Variants in MAGT1 observed in about 807,000 individuals in gnomAD.
MAGT1 encodes dolichyl-diphosphooligosaccharide--protein glycosyltransferase subunit MAGT1.
MAGT1 carries 4 observed loss-of-function variants against 28.4 expected under a neutral mutation model. The ratio of observed to expected loss-of-function variants is 0.14; its 90% CI spans 0.07 to 0.32. MAGT1 has a LOEUF of 0.32. MAGT1 is among the 10% of genes least tolerant of loss of function. The probability of loss-of-function intolerance (pLI) is 1.00; values close to 1 mark genes in which losing one functional copy is unlikely to be tolerated. For missense variants in MAGT1, 193 were observed against 264.5 expected (o/e 0.73, Z 1.88); for synonymous variants, 89 against 89.7 (o/e 0.99, Z 0.04).
chrX:77,871,860 C>T (rs782671622), intron 2 of MAGT1, among the ~76,000 whole-genome samples: 35 of 110,221 alleles, frequency 3.2e-4, no homozygotes, highest in Non-Finnish European at 6.1e-4. Flanking sequence ...ATTATTGAAA[C>T]CTCAAGTCAT....
At chrX:77,852,150 G>A (rs782312249) in intron 7 of MAGT1, among the ~76,000 whole-genome samples, 8 of 111,360 alleles carry the variant, frequency 7.2e-5, no homozygotes, top group South Asian at 7.5e-4. Context: ...TGATCTACCC[G>A]CCTTGGCCTC....
At chrX:77,881,488 C>A (rs1056706306) in intron 1 of MAGT1, among the ~76,000 whole-genome samples, 31 of 101,394 alleles carry the variant, frequency 3.1e-4, no homozygotes, top group Admixed American at 5.7e-4. Flanking sequence ...CTGTTCAATT[C>A]CCACCTATGA....
In MAGT1 at chrX:77,870,875, C is replaced by A; in HGVS notation, c.323G>T (p.Ser108Ile). The change falls in exon 3 of 10, where the codon AGT (serine) becomes ATT (isoleucine). Residue 108 changes from serine to isoleucine, a missense_variant. Coordinates refer to ENST00000618282, the MANE Select transcript of MAGT1 (RefSeq NM_001367916.1). ...AAAAAATATCCTGTTGGTGAATGCA[C>A]TGGAGTATCGCCAGGAGTTTGCCAG... The part of the protein sequence containing the change: ...QILANSWRYS[S>I]AFTNRIFFAM... 8.3e-7 allele frequency: 1 copy of A among 1,211,049 alleles called. No homozygotes were observed. Among genetic ancestry groups the A allele is most frequent in the Non-Finnish European group, 1.1e-6 (1 of 894,754 alleles).
chrX:77,875,283 A>G, intron 2 of MAGT1, 145 bp downstream of exon 2: 1 of 534,643 alleles, frequency 1.9e-6, no homozygotes, highest in Non-Finnish European at 3.3e-6. Flanking sequence ...ACTATAAAAG[A>G]GCAGTAGTAT....
rs201564456 is a variant in MAGT1 at position 77,830,970 on chromosome X, TTTTTA to T, written c.902-80_902-76del. ...TAACCATGGCAGTCTATACTTTCTT[TTTTTA>T]TTTTATTTTATTTTATTTTATTTTA... On this transcript the variant is annotated intron_variant, in intron 8 of 9. Coordinates refer to ENST00000618282, the MANE Select transcript of MAGT1 (RefSeq NM_001367916.1). 24,475 of 181,983 alleles carry T rather than the reference TTTTTA, an allele frequency of 0.13. 2,576 individuals carry two copies. The highest frequency in any genetic ancestry group is 0.29 in the African/African-American group (7,434 of 25,212). The allele number at this position is 181,983 out of a possible 1,213,427, so 15.0% of individuals were successfully genotyped here.
At chrX:77,876,160 A>AT (rs1373548796) in intron 1 of MAGT1, among the ~76,000 whole-genome samples, 141 of 32,146 alleles carry the variant, frequency 4.4e-3, no homozygotes, top group Non-Finnish European at 7.1e-3. Context: ...ATATATATAT[A>AT]TATATTTTTT....
rs202229488 is a variant in MAGT1, at chrX:77,870,673, T to C, written c.390+135A>G. On this transcript the variant is annotated intron_variant, in intron 3 of 9. Transcript: ENST00000618282. ...CTACATTTTATGGTTAGCTCAAGTT[T>C]AACTTTTAGTTTGCTACTCTAGATC... 2.3e-5 allele frequency: 11 copies of C among 477,846 alleles called. No homozygotes were observed. The East Asian group carries it at 3.3e-4, about 14-fold the overall frequency. The allele number at this position is 477,846 out of a possible 1,213,427, so 39.4% of individuals were successfully genotyped here.
At chrX:77,833,437 A>G (rs1400281209) in intron 8 of MAGT1, among the ~76,000 whole-genome samples, 1 of 112,199 alleles carries the variant, frequency 8.9e-6, no homozygotes, top group African/African-American at 3.2e-5. Flanking sequence ...TTTTGTTTCC[A>G]AAGTTGATAT....
At chrX:77,854,446 G>A (rs2076976457) in intron 6 of MAGT1, among the ~76,000 whole-genome samples, 1 of 111,526 alleles carries the variant, frequency 9.0e-6, no homozygotes, top group African/African-American at 3.3e-5. Context: ...CCAAATGCTT[G>A]AATACTGTAC....
At chrX:77,836,847 G>C (rs1827971318) in intron 8 of MAGT1, among the ~76,000 whole-genome samples, 1 of 111,094 alleles carries the variant, frequency 9.0e-6, no homozygotes, top group African/African-American at 3.3e-5. Context: ...AGTGAGTTAT[G>C]ATCTCTCCAC....
chrX:77,851,167 C>T (rs2076966877), intron 7 of MAGT1, among the ~76,000 whole-genome samples: 1 of 108,932 alleles, frequency 9.2e-6, no homozygotes, highest in Admixed American at 9.9e-5. Flanking sequence ...GATGAGGTTT[C>T]GCTATGTTGG....
intron 1 of MAGT1, among the ~76,000 whole-genome samples, chrX:77,894,521 T>G (rs2077093137): frequency 8.9e-6 from 1 of 112,257 alleles, no homozygotes; most frequent in African/African-American, 3.2e-5. Context: ...CTCGTTCATT[T>G]TCTAAATTTA....
intron 3 of MAGT1, among the ~76,000 whole-genome samples, chrX:77,870,519 T>C (rs2077018124): frequency 9.0e-6 from 1 of 111,612 alleles, no homozygotes; most frequent in African/African-American, 3.3e-5. Flanking sequence ...ATTTAAAAAA[T>C]TCCTTAATAA....
In MAGT1 at chrX:77,835,428, T is replaced by C. The variant is rs138113355; in HGVS notation, c.902-4533A>G. ...CTTATATCCAAAAGACAAGCAATAA[T>C]AAATGCTGGCGAGGATGTGGAAAAA... On this transcript the variant is annotated intron_variant, in intron 8 of 9. Transcript: ENST00000618282. Among the ~76,000 whole-genome samples the C allele has an allele frequency of 9.0e-5, 10 of 111,421 alleles. No homozygotes were observed. In the East Asian group the frequency reaches 2.8e-3, roughly 31 times the overall value.
chrX:77,877,885 T>C (rs1307207942), intron 1 of MAGT1, among the ~76,000 whole-genome samples: 1 of 108,198 alleles, frequency 9.2e-6, no homozygotes, highest in Non-Finnish European at 1.9e-5. Context: ...ACTGACAATA[T>C]CAAATGCTGG....
At chrX:77,865,271 T>C (rs1050503416) in intron 3 of MAGT1, among the ~76,000 whole-genome samples, 2 of 111,417 alleles carry the variant, frequency 1.8e-5, no homozygotes, top group African/African-American at 3.3e-5. Context: ...AACTAAGTAG[T>C]AACTATATTC....
intron 9 of MAGT1, 77 bp from the exon 10 acceptor site, chrX:77,829,312 T>A: frequency 1.1e-6 from 1 of 916,582 alleles, no homozygotes; most frequent in Non-Finnish European, 1.6e-6. Flanking sequence ...AAGCAGTATG[T>A]TGGTTTTAAC....
At chrX:77,857,667 G>A (rs868914379) in intron 3 of MAGT1, among the ~76,000 whole-genome samples, 170 bp from the exon 4 acceptor site, 1 of 111,545 alleles carries the variant, frequency 9.0e-6, no homozygotes, top group Middle Eastern at 4.2e-3. Flanking sequence ...GGCTTTAAAA[G>A]CAAAGCTGCC....
rs1022641225 is a variant in MAGT1, at chrX:77,828,938, A to C, written c.*282T>G. On this transcript the variant is annotated 3_prime_UTR_variant, in exon 10 of 10. Coordinates refer to ENST00000618282, the MANE Select transcript of MAGT1 (RefSeq NM_001367916.1). ...CTAACTAAAACAAAGTAGTAGTTTTACAATTTTTATAATATACTTAATTGT... is the reference window on the plus strand; with the variant it reads ...CTAACTAAAACAAAGTAGTAGTTTTCCAATTTTTATAATATACTTAATTGT... 1 of 242,323 alleles carries C rather than the reference A, an allele frequency of 4.1e-6. No individual in the cohort carries two copies. Among genetic ancestry groups the C allele is most frequent in the Admixed American group, 6.4e-5 (1 of 15,687 alleles). 20.0% of individuals were successfully genotyped at this position (242,323 alleles called of 1,213,427 possible). A position where few individuals can be genotyped will look rare whatever the true frequency, so the allele number is the denominator to read the frequency against.
Sources: allele counts gnomAD v4.1 joint callset (sites outside exome capture counted in the v4.1 genomes callset), GRCh38; gene constraint gnomAD v4.1.1; transcripts MANE v1.5; gene names NCBI Gene and HGNC (gene_info 2026-07-23, HGNC 2026-07-21).